The following PXDNL variants were observed in gnomAD, a reference collection of about 807,000 sequenced individuals.
PXDNL encodes probable oxidoreductase PXDNL.
A neutral mutation model predicts 150.8 loss-of-function variants in PXDNL; 145 were observed. The observed-to-expected ratio is 0.96, with a 90% CI of 0.84 to 1.10. The LOEUF is 1.10. Among genes scored for constraint, PXDNL ranks in the 50% least tolerant of loss-of-function variants. The probability of loss-of-function intolerance (pLI) is 0.00; values close to 1 mark genes in which losing one functional copy is unlikely to be tolerated. For synonymous variants in PXDNL, 757 were observed against 725.7 expected (o/e 1.04, Z -0.69); for missense variants, 2,087 against 1,873.9 (o/e 1.11, Z -2.10).
At chr8:51,475,577 A>G (rs1309410169) in intron 6 of PXDNL, among the ~76,000 whole-genome samples, 1 of 152,134 alleles carries the variant, frequency 6.6e-6, no homozygotes, top group Non-Finnish European at 1.5e-5. Context: ...CAGCCTGGGC[A>G]TTCTAGCAAG....
intron 2 of PXDNL, among the ~76,000 whole-genome samples, chr8:51,623,347 G>A (rs1814295479): frequency 6.6e-6 from 1 of 152,190 alleles, no homozygotes; most frequent in South Asian, 2.1e-4. Flanking sequence ...GGTAATAGTA[G>A]TACCACAAGG....
At chr8:51,515,489 G>T (rs16916447) in intron 4 of PXDNL, among the ~76,000 whole-genome samples, 110 of 152,262 alleles carry the variant, frequency 7.2e-4, no homozygotes, top group African/African-American at 2.4e-3. Flanking sequence ...GTACCCAAGC[G>T]CACTGCGGAT....
At chr8:51,626,314 G>T (rs1814360436) in intron 2 of PXDNL, among the ~76,000 whole-genome samples, 2 of 152,076 alleles carry the variant, frequency 1.3e-5, no homozygotes, top group South Asian at 4.1e-4. Flanking sequence ...TCTGATGTAT[G>T]GATATAAAAA....
chr8:51,608,008 A>AGAAG (rs1813883905), intron 2 of PXDNL, among the ~76,000 whole-genome samples: 1 of 43,466 alleles, frequency 2.3e-5, no homozygotes, highest in South Asian at 7.3e-4. Context: ...GAAGGAAGAA[A>AGAAG]GAAAGAAAGA....
chr8:51,526,181 C>T lies in PXDNL; in HGVS notation c.381-26411G>A, dbSNP rs183313156. 5.3e-5 allele frequency among the ~76,000 whole-genome samples: 8 copies of T among 152,242 alleles called. No homozygotes were observed. The East Asian group carries it at 1.5e-3, about 29-fold the overall frequency. Reference sequence around the variant, plus strand: ...TCCAGGACAGACAGGTGGACGCATTCTTGGTCTCTGCAGCTGGGCATGGGG... The same window carrying T: ...TCCAGGACAGACAGGTGGACGCATTTTTGGTCTCTGCAGCTGGGCATGGGG... On this transcript the variant is annotated intron_variant, in intron 4 of 22. Transcript: ENST00000356297.
chr8:51,642,065 A>T (rs1163646447), intron 2 of PXDNL, among the ~76,000 whole-genome samples: 2 of 152,092 alleles, frequency 1.3e-5, no homozygotes, highest in Non-Finnish European at 2.9e-5. Context: ...AGGGACATGG[A>T]TGAAATTGGA....
chr8:51,372,803 A>G (rs1807167111), intron 18 of PXDNL, among the ~76,000 whole-genome samples: 1 of 152,256 alleles, frequency 6.6e-6, no homozygotes, highest in Non-Finnish European at 1.5e-5. Flanking sequence ...CTATTTGGTT[A>G]TATCCATCAA....
chr8:51,338,182 C>CAAAAA (rs757946882), intron 21 of PXDNL, among the ~76,000 whole-genome samples: 1 of 90,004 alleles, frequency 1.1e-5, no homozygotes, highest in Non-Finnish European at 2.5e-5. Context: ...GACTCCATCT[C>CAAAAA]AAAAAAAAAA....
intron 3 of PXDNL, among the ~76,000 whole-genome samples, chr8:51,572,680 A>G (rs1812972721): frequency 7.1e-6 from 1 of 140,596 alleles, no homozygotes; most frequent in South Asian, 2.1e-4. Flanking sequence ...TTAGTACTTA[A>G]TGATATTAAC....
At chr8:51,602,590 A>G (rs566728931) in intron 2 of PXDNL, among the ~76,000 whole-genome samples, 5 of 152,024 alleles carry the variant, frequency 3.3e-5, no homozygotes, top group African/African-American at 1.2e-4. Flanking sequence ...GTTATTTGAA[A>G]CAAATGTTAT....
rs5891421 is a variant in PXDNL at position 51,541,253 on chromosome 8, T to TAAAAAAAAAA, written c.380+15577_380+15586dup. 1.6e-3 allele frequency among the ~76,000 whole-genome samples: 207 copies of TAAAAAAAAAA among 127,172 alleles called. 1 individual carries two copies. The highest frequency in any genetic ancestry group is 5.7e-3 in the African/African-American group (192 of 33,862). 83.4% of individuals were successfully genotyped at this position (127,172 alleles called of 152,430 possible). ...GGCCTGGCGACAGAGTGAGACTCCA[T>TAAAAAAAAAA]AAAAAAAAAAAAAAAAAGAATATTG... On this transcript the variant is annotated intron_variant, in intron 4 of 22. Transcript: ENST00000356297.
intron 12 of PXDNL, among the ~76,000 whole-genome samples, chr8:51,445,132 CT>C (rs1224769692): frequency 6.6e-6 from 1 of 152,086 alleles, no homozygotes; most frequent in Non-Finnish European, 1.5e-5. Flanking sequence ...GTTGGCCAGG[CT>C]GGTCTCGAAC....
intron 3 of PXDNL, among the ~76,000 whole-genome samples, chr8:51,575,693 C>T (rs577047441): frequency 2.3e-4 from 35 of 151,994 alleles, no homozygotes; most frequent in Non-Finnish European, 4.1e-4. Context: ...CCAGTCTGGG[C>T]GACAGAGTGA....
chr8:51,346,947 T>C (rs890113041), intron 19 of PXDNL, among the ~76,000 whole-genome samples: 1 of 152,060 alleles, frequency 6.6e-6, no homozygotes, highest in African/African-American at 2.4e-5. Context: ...TAAAATTTCA[T>C]ATGAAAACAG....
chr8:51,542,160 AG>A (rs145962364), intron 4 of PXDNL, among the ~76,000 whole-genome samples: 7,953 of 151,964 alleles, frequency 0.052, 345 homozygotes, highest in East Asian at 0.24. Context: ...GGGGAAAAAA[AG>A]GAGTATCCTC....
At position 51,807,933 on chromosome 8, in the gene PXDNL, T is replaced by C. The variant is rs531526058; in HGVS notation, c.164+1248A>G. On this transcript the variant is annotated intron_variant, in intron 1 of 22. Coordinates refer to ENST00000356297, the MANE Select transcript of PXDNL (RefSeq NM_144651.5). ...CTGAGTCTGAAGGCACTTGCAGAAC[T>C]GTGCTGTCCACATAGCAATAAGCAG... Among the ~76,000 whole-genome samples the C allele has an allele frequency of 2.6e-5, 4 of 152,352 alleles. No homozygotes were observed. In the East Asian group the frequency reaches 7.7e-4, roughly 29 times the overall value.
intron 1 of PXDNL, among the ~76,000 whole-genome samples, chr8:51,801,066 G>A (rs1458916249): frequency 6.6e-6 from 1 of 152,106 alleles, no homozygotes; most frequent in Non-Finnish European, 1.5e-5. Context: ...ATAAATTGAC[G>A]TGCAAGTAGG....
At chr8:51,461,365 C>A (rs549028619) in intron 8 of PXDNL, among the ~76,000 whole-genome samples, 2 of 152,356 alleles carry the variant, frequency 1.3e-5, no homozygotes, top group South Asian at 2.1e-4. Context: ...CCTGAGGGAG[C>A]TCCATGGCCT....
intron 4 of PXDNL, among the ~76,000 whole-genome samples, chr8:51,534,441 G>A (rs1457423351): frequency 2.3e-5 from 2 of 88,360 alleles, no homozygotes; most frequent in African/African-American, 1.2e-4. Context: ...GAAGTGAGGA[G>A]CCCCTCTGCC....
Sources: gnomAD v4.1 joint callset for allele counts (sites outside exome capture counted in the v4.1 genomes callset) on GRCh38, gnomAD v4.1.1 for gene constraint, MANE v1.5 for transcripts, NCBI Gene and HGNC (gene_info 2026-07-23, HGNC 2026-07-21) for gene names.